CLTCL1: variants seen among roughly 807,000 people sequenced by gnomAD.
The protein encoded by CLTCL1 is clathrin heavy chain like 1, also known as clathrin heavy chain 2.
In CLTCL1, 159 loss-of-function variants were observed where a neutral mutation model predicts 190.0. The observed-to-expected ratio is 0.84, with a 90% CI of 0.74 to 0.95. The LOEUF is 0.95. CLTCL1 is among the 40% of genes least tolerant of loss of function. CLTCL1 has a pLI of 0.00. For missense variants in CLTCL1, 1,878 were observed against 2,033.4 expected (o/e 0.92, Z 1.47); for synonymous variants, 752 against 769.6 (o/e 0.98, Z 0.38).
At chr22:19,266,124 C>T (rs930706133) in intron 2 of CLTCL1, among the ~76,000 whole-genome samples, 27 of 152,098 alleles carry the variant, frequency 1.8e-4, no homozygotes, top group African/African-American at 6.5e-4. Flanking sequence ...CCCAAGTGAT[C>T]CTGTCACTTC....
intron 1 of CLTCL1, among the ~76,000 whole-genome samples, chr22:19,283,942 A>G (rs1376469193): frequency 2.0e-5 from 3 of 151,424 alleles, no homozygotes; most frequent in African/African-American, 7.3e-5. Flanking sequence ...GAATGAGCCA[A>G]GATTGTGCCA....
chr22:19,209,173 A>G (rs2085144199), intron 20 of CLTCL1, 59 bp from the exon 21 acceptor site: 2 of 1,453,850 alleles, frequency 1.4e-6, no homozygotes, highest in African/African-American at 1.4e-5. Context: ...CAAAAAACAG[A>G]CACATTTTTG....
rs549567419 is a variant in CLTCL1, at chr22:19,268,955, C to T, written c.250+6668G>A. Among the ~76,000 whole-genome samples the T allele has an allele frequency of 1.1e-4, 16 of 151,672 alleles. No homozygotes were observed. The South Asian group carries it at 3.1e-3, about 30-fold the overall frequency. On this transcript the variant is annotated intron_variant, in intron 2 of 32. Transcript: ENST00000427926. The stretch of plus-strand genomic sequence containing the variant: ...AAATACAAAAATTAGCCAGGCGTGG[C>T]GGCACATACCTGTAGTCCCAGCTAC...
chr22:19,222,044 T>C lies in CLTCL1; in HGVS notation c.2468A>G (p.Asp823Gly), dbSNP rs1569189567. 2 of 1,613,944 alleles carry C rather than the reference T, an allele frequency of 1.2e-6. No homozygotes were observed. Among genetic ancestry groups the C allele is most frequent in the Admixed American group, 1.7e-5 (1 of 60,010 alleles). The change falls in exon 16 of 33, where the codon GAT becomes GGT. Residue 823 changes from aspartate (D) to glycine (G), a missense_variant. By Grantham distance (94) the Asp-to-Gly change is moderately conservative (BLOSUM62 -1). Transcript: ENST00000427926. ...PAVIGGLLDV[D>G]CSEEVIKHLI... ...GTGTTTAATCACTTCCTCAGAACAA[T>C]CCACATCAAGCAGCCCTCCAATCAC...
chr22:19,250,939 G>A (rs1601646597), intron 3 of CLTCL1, among the ~76,000 whole-genome samples: 1 of 152,126 alleles, frequency 6.6e-6, no homozygotes, highest in East Asian at 1.9e-4. Flanking sequence ...TTGTTTTATG[G>A]TTGTTTTGGC....
intron 19 of CLTCL1, among the ~76,000 whole-genome samples, chr22:19,211,784 C>CAAA (rs199971906): frequency 8.8e-6 from 1 of 113,746 alleles, no homozygotes; most frequent in Non-Finnish European, 1.8e-5. Flanking sequence ...AAAAAAAAAA[C>CAAA]AAAAACAAAA....
chr22:19,269,463 A>G (rs1569243645), intron 2 of CLTCL1, among the ~76,000 whole-genome samples: 1 of 152,258 alleles, frequency 6.6e-6, no homozygotes, highest in Non-Finnish European at 1.5e-5. Context: ...CCCAAGAGAA[A>G]TGAAAATATA....
At chr22:19,291,255 G>C (rs375447316) in intron 1 of CLTCL1, among the ~76,000 whole-genome samples, 2 of 152,228 alleles carry the variant, frequency 1.3e-5, no homozygotes, top group African/African-American at 4.8e-5. Flanking sequence ...GAGGGGCGTG[G>C]AGCTGTGGGA....
At position 19,210,309 on chromosome 22, in the gene CLTCL1, T is replaced by A. The variant is rs541502123; in HGVS notation, c.3249+17A>T. ...CAGAAGGTGCTAGGTCCGACATGCTTACACTCAGCAGCCCACCTGGATTGC... is the reference window on the plus strand; with the variant it reads ...CAGAAGGTGCTAGGTCCGACATGCTAACACTCAGCAGCCCACCTGGATTGC... On this transcript the variant is annotated intron_variant, in intron 20 of 32. Transcript: ENST00000427926. 2.5e-6 allele frequency: 4 copies of A among 1,611,776 alleles called. No individual in the cohort carries two copies. In the East Asian group the frequency reaches 8.9e-5, roughly 36 times the overall value.
intron 12 of CLTCL1, 35 bp from the exon 13 acceptor site, chr22:19,225,668 A>T: frequency 1.3e-6 from 2 of 1,515,126 alleles, no homozygotes; most frequent in Non-Finnish European, 1.8e-6. Context: ...ACAACGATGC[A>T]CCACTCTAAA....
At chr22:19,184,990 C>T (rs556562314) in intron 29 of CLTCL1, among the ~76,000 whole-genome samples, 57 of 152,354 alleles carry the variant, frequency 3.7e-4, no homozygotes, top group East Asian at 1.9e-4. Context: ...CCCCACTGAC[C>T]GAACTTTCAT....
chr22:19,240,832 G>A (rs1053749007), intron 4 of CLTCL1, among the ~76,000 whole-genome samples: 10 of 152,206 alleles, frequency 6.6e-5, no homozygotes, highest in African/African-American at 2.2e-4. Flanking sequence ...GGGTGACACT[G>A]CCAGCAGGAG....
Position 19,196,384 on chromosome 22 carries a change from C to T in CLTCL1, c.4073G>A (p.Trp1358Ter), listed in dbSNP as rs1555935639. The T allele has an allele frequency of 1.2e-6, 2 of 1,614,026 alleles. No homozygotes were observed. The highest frequency in any genetic ancestry group is 1.1e-5 in the South Asian group (1 of 91,086). Residue 1358 changes from tryptophan to a stop codon, truncating the protein, a stop_gained, in exon 26 of 33, where the codon TGG becomes TAG. Transcript: ENST00000427926. LOFTEE classifies it high-confidence loss of function. ...GTCATAGAGGAACACCAGCTCAGCC[C>T]ACAGGTGTGCCTGCTCTGCAGCCCT... ...VLRAAEQAHL[W>*]AELVFLYDKY...
At chr22:19,261,644 T>C (rs1418091183) in intron 2 of CLTCL1, among the ~76,000 whole-genome samples, 14 of 152,180 alleles carry the variant, frequency 9.2e-5, no homozygotes, top group Non-Finnish European at 1.9e-4. Context: ...AGGAAGTCAT[T>C]GCAGATGTGG....
intron 2 of CLTCL1, chr22:19,258,353 C>CTTTTTT: frequency 2.4e-6 from 1 of 423,416 alleles, no homozygotes. Context: ...AGGAGAGCAC[C>CTTTTTT]ACAGTGGTCA....
chr22:19,257,336 GA>G (rs1465911820), intron 2 of CLTCL1, among the ~76,000 whole-genome samples: 11 of 152,024 alleles, frequency 7.2e-5, no homozygotes, highest in Non-Finnish European at 1.3e-4. Flanking sequence ...CATTCAATGA[GA>G]AAAAAGAATA....
chr22:19,287,524 C>G lies in CLTCL1; in HGVS notation c.42+4076G>C, dbSNP rs543001001. On this transcript the variant is annotated intron_variant, in intron 1 of 32. Coordinates refer to ENST00000427926, the MANE Select transcript of CLTCL1 (RefSeq NM_007098.4). ...CAGTCTTTTCATGCCAGAGGAAACA[C>G]GAAACCACTCCCTGAAGGACTTTAA... is the stretch of plus-strand genomic sequence containing the variant. 7.2e-5 allele frequency among the ~76,000 whole-genome samples: 11 copies of G among 152,208 alleles called. No individual in the cohort carries two copies. The South Asian group carries it at 2.3e-3, about 32-fold the overall frequency.
chr22:19,252,143 G>T (rs1469864991), intron 3 of CLTCL1, among the ~76,000 whole-genome samples: 1 of 152,122 alleles, frequency 6.6e-6, no homozygotes, highest in Non-Finnish European at 1.5e-5. Context: ...ACATGGTTTT[G>T]TTCCTGTATC....
chr22:19,271,195 A>T (rs1292457390), intron 2 of CLTCL1, among the ~76,000 whole-genome samples: 1 of 152,126 alleles, frequency 6.6e-6, no homozygotes, highest in Admixed American at 6.6e-5. Context: ...TTGTAAAAAG[A>T]GATACATATA....
Sources: allele counts gnomAD v4.1 joint callset (sites outside exome capture counted in the v4.1 genomes callset), GRCh38; gene constraint gnomAD v4.1.1; transcripts MANE v1.5; gene names NCBI Gene and HGNC (gene_info 2026-07-23, HGNC 2026-07-21).